Variants in SPANXN2 observed in about 807,000 individuals in gnomAD.
SPANXN2 encodes the protein SPANX family member N2.
A neutral mutation model predicts 2.0 loss-of-function variants in SPANXN2; 1 was observed. The observed-to-expected ratio is 0.50, with a 90% confidence interval of 0.18 to 2.36. The LOEUF is 2.36. Ranked by LOEUF, SPANXN2 falls within the 30% of genes most tolerant of loss-of-function variation. The probability of loss-of-function intolerance (pLI) is 0.26; values close to 1 mark genes in which losing one functional copy is unlikely to be tolerated. For synonymous variants in SPANXN2, 43 were observed against 49.8 expected (o/e 0.86, Z 0.58); for missense variants, 88 against 116.7 (o/e 0.75, Z 1.13).
intron 1 of SPANXN2, among the ~76,000 whole-genome samples, chrX:143,717,497 C>A (rs1489943069): frequency 9.0e-6 from 1 of 111,486 alleles, no homozygotes; most frequent in East Asian, 2.8e-4. Context: ...CCAGCATACA[C>A]CCTGTATATA....
intron 1 of SPANXN2, among the ~76,000 whole-genome samples, chrX:143,713,006 G>A (rs1332220407): frequency 9.0e-6 from 1 of 111,536 alleles, no homozygotes; most frequent in Non-Finnish European, 1.9e-5. Context: ...CAGCCTGTAA[G>A]CGGCGGTGGG....
chrX:143,720,530 G>T, intron 1 of SPANXN2, 61 bp downstream of exon 1: 1 of 1,146,625 alleles, frequency 8.7e-7, no homozygotes, highest in African/African-American at 1.9e-5. Context: ...TGTTTGAGCC[G>T]TCCCTTCTCT....
rs782275249 is a variant in SPANXN2, at chrX:143,712,632, G to A, written c.79-133C>T. 166 of 602,073 alleles carry A rather than the reference G, an allele frequency of 2.8e-4. 1 individual carries two copies. Among genetic ancestry groups the A allele is most frequent in the South Asian group, 2.4e-3 (80 of 33,766 alleles). 49.6% of individuals were successfully genotyped at this position (602,073 alleles called of 1,213,427 possible). ...GTTTGTGCCAGAGAAGAACAAGGTGGAATCATAGGGTAGTGATCTATGGGG... is the reference window on the plus strand; with the variant it reads ...GTTTGTGCCAGAGAAGAACAAGGTGAAATCATAGGGTAGTGATCTATGGGG... On this transcript the variant is annotated intron_variant, in intron 1 of 1. Transcript: ENST00000598475.
At chrX:143,719,637 A>T (rs1431632382) in intron 1 of SPANXN2, among the ~76,000 whole-genome samples, 2 of 112,068 alleles carry the variant, frequency 1.8e-5, no homozygotes, top group Non-Finnish European at 3.8e-5. Flanking sequence ...CCTACTGGCC[A>T]ATTGGTCAGG....
intron 1 of SPANXN2, among the ~76,000 whole-genome samples, chrX:143,720,290 G>A (rs1236051009): frequency 2.7e-5 from 3 of 109,232 alleles, no homozygotes; most frequent in Non-Finnish European, 5.7e-5. Flanking sequence ...CTTTCCTATG[G>A]TATCTTGCTG....
chrX:143,716,595 C>T (rs1556449804), intron 1 of SPANXN2, among the ~76,000 whole-genome samples: 2 of 112,076 alleles, frequency 1.8e-5, no homozygotes, highest in Admixed American at 9.4e-5. Flanking sequence ...TTCTGACCAG[C>T]GCCTTGCCCT....
exon 2 of SPANXN2, chrX:143,711,962 C>G: frequency 8.3e-7 from 1 of 1,203,553 alleles, no homozygotes; most frequent in Non-Finnish European, 1.1e-6. Flanking sequence ...TCATCAGCTC[C>G]TCAAACTTGA....
chrX:143,712,613 G>A, intron 1 of SPANXN2, 114 bp from the exon 2 acceptor site: 2 of 667,810 alleles, frequency 3.0e-6, no homozygotes, highest in South Asian at 5.5e-5. Context: ...AGGGGTTTGT[G>A]CCAGAGAAGA....
At chrX:143,713,912 TCTCTCTCTC>T (rs1932211533) in intron 1 of SPANXN2, among the ~76,000 whole-genome samples, 2 of 107,713 alleles carry the variant, frequency 1.9e-5, no homozygotes, top group African/African-American at 6.8e-5. Flanking sequence ...TCTCTCTCTC[TCTCTCTCTC>T]TCTCTCTGCC....
chrX:143,712,411 T>C, exon 2 of SPANXN2: 1 of 1,212,486 alleles, frequency 8.2e-7, no homozygotes, highest in Non-Finnish European at 1.1e-6. Context: ...CTTCCTGTAG[T>C]AATACACTAT....
At chrX:143,714,738 T>G (rs1445684557) in intron 1 of SPANXN2, among the ~76,000 whole-genome samples, 1 of 111,997 alleles carries the variant, frequency 8.9e-6, no homozygotes, top group Non-Finnish European at 1.9e-5. Context: ...GACCCAGACA[T>G]TTGAAAAAAA....
rs141946560 is a variant in SPANXN2, at chrX:143,712,320, G to A, written c.258C>T (p.Asp86=). The stretch of plus-strand genomic sequence containing the variant: ...ATCCTTCAGCTGAGTCTAGGCCTTC[G>A]TCCTCCTCCTCTTGGACTGGATTGA... Residue 86 remains aspartate, a synonymous_variant, in exon 2 of 2, where the codon GAC becomes GAT. Transcript: ENST00000598475. 558 of 1,210,005 alleles carry A rather than the reference G, an allele frequency of 4.6e-4. 3 individuals are homozygous for A. The Middle Eastern group carries it at 6.7e-3, about 15-fold the overall frequency.
Position 143,713,539 on chromosome X carries a change from C to T in SPANXN2, c.79-1040G>A, listed in dbSNP as rs7063374. The stretch of plus-strand genomic sequence containing the variant: ...CCAGTCACCAGGTGACTGCAGCCTC[C>T]CTTCTTAGGGTACACCTTCAAAACG... On this transcript the variant is annotated intron_variant, in intron 1 of 1. Coordinates refer to ENST00000598475, the Ensembl canonical transcript of SPANXN2. Among the ~76,000 whole-genome samples the T allele has an allele frequency of 5.1e-3, 569 of 111,451 alleles. 7 individuals are homozygous for T. The highest frequency in any genetic ancestry group is 0.018 in the African/African-American group (549 of 30,625).
chrX:143,717,841 C>T (rs782515299), intron 1 of SPANXN2, among the ~76,000 whole-genome samples: 2 of 111,861 alleles, frequency 1.8e-5, no homozygotes, highest in African/African-American at 6.5e-5. Context: ...CACTCACATG[C>T]TCCCCAGAAA....
intron 1 of SPANXN2, among the ~76,000 whole-genome samples, chrX:143,717,575 A>G (rs1377704365): frequency 8.9e-6 from 1 of 112,259 alleles, no homozygotes; most frequent in Non-Finnish European, 1.9e-5. Context: ...GATCTCACTG[A>G]TAAAGTGTCT....
At chrX:143,716,226 G>A (rs1932261006) in intron 1 of SPANXN2, among the ~76,000 whole-genome samples, 1 of 110,542 alleles carries the variant, frequency 9.0e-6, no homozygotes, top group African/African-American at 3.3e-5. Context: ...AGTATATTGG[G>A]CCTAACCCAC....
At chrX:143,719,996 G>T (rs1220787592) in intron 1 of SPANXN2, among the ~76,000 whole-genome samples, 3 of 110,773 alleles carry the variant, frequency 2.7e-5, no homozygotes, top group Non-Finnish European at 5.7e-5. Context: ...CGGTACCAGT[G>T]CCTCCAGGAA....
intron 1 of SPANXN2, among the ~76,000 whole-genome samples, chrX:143,717,129 A>C (rs1351621610): frequency 8.9e-6 from 1 of 112,157 alleles, no homozygotes; most frequent in Non-Finnish European, 1.9e-5. Context: ...GAATGCTCTC[A>C]CACCCCATGC....
At chrX:143,719,318 C>T (rs1317916653) in intron 1 of SPANXN2, among the ~76,000 whole-genome samples, 1 of 111,380 alleles carries the variant, frequency 9.0e-6, no homozygotes, top group East Asian at 2.8e-4. Flanking sequence ...ACAAACAATT[C>T]CCTCAACTGC....
Sources: gnomAD v4.1 joint callset for allele counts (sites outside exome capture counted in the v4.1 genomes callset) on GRCh38, gnomAD v4.1.1 for gene constraint, MANE v1.5 for transcripts, NCBI Gene and HGNC (gene_info 2026-07-23, HGNC 2026-07-21) for gene names.